Variants in KIF19 observed in about 807,000 individuals in gnomAD.
KIF19 encodes kinesin-like protein KIF19.
Under a neutral mutation model 106.6 loss-of-function variants are expected in KIF19, and 98 were observed. That is an observed-to-expected ratio of 0.92 (90% CI 0.78 to 1.09). The LOEUF (loss-of-function observed/expected upper bound fraction) is 1.09, where lower values mean the gene tolerates loss of function less well. KIF19 is among the 50% of genes least tolerant of loss of function. The probability of loss-of-function intolerance (pLI) is 0.00; values close to 1 mark genes in which losing one functional copy is unlikely to be tolerated. For missense variants in KIF19, 1,373 were observed against 1,414.3 expected (o/e 0.97, Z 0.47); for synonymous variants, 516 against 584.2 (o/e 0.88, Z 1.68).
intron 2 of KIF19, among the ~76,000 whole-genome samples, chr17:74,340,217 C>G (rs539908716): frequency 6.6e-6 from 1 of 152,234 alleles, no homozygotes; most frequent in South Asian, 2.1e-4. Context: ...CTTTGCTGCC[C>G]CTGCTCCTCT....
At position 74,349,198 on chromosome 17, in the gene KIF19, C is replaced by G; in HGVS notation, c.1062C>G (p.Leu354=). The G allele has an allele frequency of 3.7e-6, 6 of 1,613,834 alleles. No individual in the cohort carries two copies. The highest frequency in any genetic ancestry group is 5.1e-6 in the Non-Finnish European group (6 of 1,179,884). ...GTTCCCTGCAGGTGAAGCAGAACCT[C>G]CTGAACGTCTCCTACCACATCGCCC... ...KNIKTRVKQN[L]LNVSYHIAQY... The change falls in exon 10 of 20, where the codon CTC becomes CTG. Residue 354 remains leucine (L), a synonymous_variant. Transcript: ENST00000389916.
chr17:74,344,272 T>C lies in KIF19; in HGVS notation c.506T>C (p.Leu169Pro). The change falls in exon 6 of 20, where the codon CTG (leucine) becomes CCG (proline). Residue 169 changes from leucine to proline, a missense_variant. Physicochemically the swap from Leu to Pro is moderately conservative, Grantham distance 98. Coordinates refer to ENST00000389916, the MANE Select transcript of KIF19 (RefSeq NM_153209.4). The stretch of plus-strand genomic sequence containing the variant: ...CTGCTGAACCCCTCCCTGGGCTACC[T>C]GGAGCTGCGGGAGGACTCTAAGGGG... ...RDLLNPSLGY[L>P]ELREDSKGVI... The C allele has an allele frequency of 6.2e-7, 1 of 1,612,630 alleles. No individual in the cohort carries two copies. The highest frequency in any genetic ancestry group is 1.3e-5 in the African/African-American group (1 of 74,980).
At chr17:74,353,689 A>AT in intron 17 of KIF19, 108 bp downstream of exon 17, 2 of 866,620 alleles carry the variant, frequency 2.3e-6, no homozygotes, top group Non-Finnish European at 3.8e-6. Flanking sequence ...AGTGCAACCA[A>AT]GCATTGGGTG....
chr17:74,333,860 T>C (rs1285673592), intron 2 of KIF19, among the ~76,000 whole-genome samples: 1 of 120,042 alleles, frequency 8.3e-6, no homozygotes, highest in African/African-American at 3.1e-5. Flanking sequence ...TTTCTTTTTT[T>C]TTCTTTTTTT....
rs763696243 is a variant in KIF19, at chr17:74,326,429, G to A, written c.39+41G>A. 8 of 1,595,020 alleles carry A rather than the reference G, an allele frequency of 5.0e-6. No homozygotes were observed. The African/African-American group carries it at 9.4e-5, about 19-fold the overall frequency. ...ACCCTCCTCCCCACCCCGCTCCGTG[G>A]TCTACTTCAGTCGGCCTCCAGCGAC... is the stretch of plus-strand genomic sequence containing the variant. On this transcript the variant is annotated intron_variant, in intron 1 of 19. Coordinates refer to ENST00000389916, the MANE Select transcript of KIF19 (RefSeq NM_153209.4).
At position 74,351,127 on chromosome 17, in the gene KIF19, G is replaced by A. The variant is rs532639735; in HGVS notation, c.1587+222G>A. 4 of 576,562 alleles carry A rather than the reference G, an allele frequency of 6.9e-6. No homozygotes were observed. The South Asian group carries it at 8.0e-5, about 11-fold the overall frequency. The allele number at this position is 576,562 out of a possible 1,614,324, so 35.7% of individuals were successfully genotyped here. On this transcript the variant is annotated intron_variant, in intron 12 of 19. Coordinates refer to ENST00000389916, the MANE Select transcript of KIF19 (RefSeq NM_153209.4). ...GGTGCAGCCCTCATGGGGTTGCTGG[G>A]AAGATTACATAAATGCCTGGCACAT...
Position 74,330,834 on chromosome 17 carries a change from G to A in KIF19, c.120+2329G>A, listed in dbSNP as rs115484024. ...AGGGCTGCTCCTTTGTCAGCTGGAGGTGCGGAGAGTCTTGTCTGGGCTGGC... is the reference window on the plus strand; with the variant it reads ...AGGGCTGCTCCTTTGTCAGCTGGAGATGCGGAGAGTCTTGTCTGGGCTGGC... On this transcript the variant is annotated intron_variant, in intron 2 of 19. Transcript: ENST00000389916. 4.1e-3 allele frequency among the ~76,000 whole-genome samples: 619 copies of A among 152,308 alleles called. 4 individuals are homozygous for A. The highest frequency in any genetic ancestry group is 0.014 in the African/African-American group (601 of 41,554).
chr17:74,349,801 ATTT>A (rs35461410), intron 10 of KIF19, among the ~76,000 whole-genome samples: 4 of 146,526 alleles, frequency 2.7e-5, no homozygotes, highest in African/African-American at 5.1e-5. Context: ...GACAGTAAAG[ATTT>A]TTTTTTTTTT....
chr17:74,353,146 C>T (rs764147292), intron 15 of KIF19, 50 bp from the exon 16 acceptor site: 15 of 1,495,950 alleles, frequency 1.0e-5, no homozygotes, highest in East Asian at 2.4e-5. Flanking sequence ...GGTGGGACCT[C>T]GGTGAGATAG....
rs528576694 is a variant in KIF19 at position 74,331,329 on chromosome 17, G to A, written c.120+2824G>A. Among the ~76,000 whole-genome samples, 83 of 152,274 alleles carry A rather than the reference G, an allele frequency of 5.5e-4. No homozygotes were observed. Among genetic ancestry groups the A allele is most frequent in the African/African-American group, 1.9e-3 (77 of 41,542 alleles). ...GGACAGGTGGGTGTATTTGGGAGCTGAGCCAGGACATGTTCGTCCTGAGTG... is the reference window on the plus strand; with the variant it reads ...GGACAGGTGGGTGTATTTGGGAGCTAAGCCAGGACATGTTCGTCCTGAGTG... On this transcript the variant is annotated intron_variant, in intron 2 of 19. Coordinates refer to ENST00000389916, the MANE Select transcript of KIF19 (RefSeq NM_153209.4). This position sits in a 1 kb window ranked among gnomAD's most constrained non-coding sequence, Gnocchi z 4.1.
chr17:74,353,919 G>T (rs767301080), intron 17 of KIF19, among the ~76,000 whole-genome samples: 5 of 152,180 alleles, frequency 3.3e-5, no homozygotes, highest in African/African-American at 1.2e-4. Context: ...CCTGGATAAT[G>T]TAGGTTGAGC....
intron 13 of KIF19, 34 bp from the exon 14 acceptor site, chr17:74,352,185 T>C (rs1839760129): frequency 6.3e-7 from 1 of 1,592,152 alleles, no homozygotes; most frequent in Non-Finnish European, 8.6e-7. Context: ...GGGGGGCCGC[T>C]GGCACTCACT....
In KIF19 at chr17:74,336,491, A is replaced by G. The variant is rs371632142; in HGVS notation, c.121-5385A>G. ...TGGATAAAGGGCTCCCCCTACTCCA[A>G]TGTGACCTCATCCTTCCTCAACTGA... On this transcript the variant is annotated intron_variant, in intron 2 of 19. Transcript: ENST00000389916. Among the ~76,000 whole-genome samples, 41 of 152,278 alleles carry G rather than the reference A, an allele frequency of 2.7e-4. No individual in the cohort carries two copies. In the East Asian group the frequency reaches 6.0e-3, roughly 22 times the overall value.
intron 12 of KIF19, 115 bp from the exon 13 acceptor site, chr17:74,351,752 G>A (rs1357329573): frequency 6.6e-6 from 8 of 1,215,646 alleles, no homozygotes; most frequent in Non-Finnish European, 8.6e-6. Context: ...GTTGGCCTCA[G>A]GCTGGAGCTC....
Position 74,350,778 on chromosome 17 carries a change from A to C in KIF19, c.1460A>C (p.Asp487Ala). The change falls in exon 12 of 20, where the codon GAC becomes GCC. Residue 487 changes from aspartate to alanine, a missense_variant. Around this residue, in one of 3 missense-constraint regions of KIF19, gnomAD observed 1,020 missense variants for 1,008.2 expected, o/e 1.01. Coordinates refer to ENST00000389916, the MANE Select transcript of KIF19 (RefSeq NM_153209.4). ...CAGCGAAAGGAGTGCTACGCTAAGG[A>C]CGACAGCGAGAAGGACTCAGACACA... ...EEQRKECYAKDDSEKDSDTGD... is the reference protein window; with the variant it reads ...EEQRKECYAKADSEKDSDTGD... 1 of 1,613,996 alleles carries C rather than the reference A, an allele frequency of 6.2e-7. No individual in the cohort carries two copies.
rs559334220 is a variant in KIF19 at position 74,346,649 on chromosome 17, G to A, written c.924+125G>A. On this transcript the variant is annotated intron_variant, in intron 8 of 19. Coordinates refer to ENST00000389916, the MANE Select transcript of KIF19 (RefSeq NM_153209.4). The surrounding 1 kb of genome is among the most constrained non-coding windows in gnomAD (Gnocchi z 4.6). ...GATACACAGCAAAATTTATTTTAGCGTAAATATGTCCCATGAAATATTTGG... is the reference window on the plus strand; with the variant it reads ...GATACACAGCAAAATTTATTTTAGCATAAATATGTCCCATGAAATATTTGG... 3.5e-5 allele frequency: 29 copies of A among 823,312 alleles called. No individual in the cohort carries two copies. Among genetic ancestry groups the A allele is most frequent in the South Asian group, 9.0e-5 (5 of 55,466 alleles). 51.0% of individuals were successfully genotyped at this position (823,312 alleles called of 1,614,324 possible).
chr17:74,354,476 A>C lies in KIF19; in HGVS notation c.2623A>C (p.Ser875Arg). The change falls in exon 18 of 20, where the codon AGC becomes CGC. Residue 875 changes from serine to arginine, a missense_variant. This residue lies in a region of KIF19 where 1,020 missense variants were observed against 1,008.2 expected (regional missense o/e 1.01). Transcript: ENST00000389916. ...PRPWLRGQKK[S>R]LGKKREESLE... ...GCCCTGGCTGCGTGGCCAGAAGAAA[A>C]GCCTGGGCAAGAAAAGGGAGGAGTC... 6.2e-7 allele frequency: 1 copy of C among 1,608,378 alleles called. No homozygotes were observed.
intron 2 of KIF19, chr17:74,329,437 G>T (rs1468964509): frequency 6.7e-6 from 1 of 148,578 alleles, no homozygotes; most frequent in Non-Finnish European, 1.5e-5. Flanking sequence ...GACAGAGTGG[G>T]ACTCTGTCTC....
At chr17:74,343,670 C>T (rs2054447186) in intron 5 of KIF19, among the ~76,000 whole-genome samples, 1 of 152,184 alleles carries the variant, frequency 6.6e-6, no homozygotes, top group South Asian at 2.1e-4. Flanking sequence ...TCATCTGGCT[C>T]CTCCGGGAGC....
Sources: allele counts gnomAD v4.1 joint callset (sites outside exome capture counted in the v4.1 genomes callset), GRCh38; gene constraint gnomAD v4.1.1; regional missense constraint gnomAD v4.1.1; non-coding constraint Gnocchi (gnomAD v3.1); transcripts MANE v1.5; gene names NCBI Gene and HGNC (gene_info 2026-07-23, HGNC 2026-07-21).